The following CFAP97D2 variants were observed in gnomAD, a reference collection of about 807,000 sequenced individuals.
The protein encoded by CFAP97D2 is uncharacterized protein CFAP97D2.
rs964398064 is a variant in CFAP97D2 at position 114,207,390 on chromosome 13, C to G, written c.291-4522C>G. Among the ~76,000 whole-genome samples the G allele has an allele frequency of 3.3e-5, 5 of 152,194 alleles. No individual in the cohort carries two copies. Among genetic ancestry groups the G allele is most frequent in the Admixed American group, 2.0e-4 (3 of 15,302 alleles). On this transcript the variant is annotated intron_variant, in intron 3 of 4. Transcript: ENST00000646158. The surrounding 1 kb of genome is among the most constrained non-coding windows in gnomAD (Gnocchi z 4.9). ...TATACAACTCAACATCATGTAGAAT[C>G]AGTGGGAGCCCTGAGTTTGTTTTCC...
chr13:114,212,806 C>A (rs1175109609), intron 4 of CFAP97D2, among the ~76,000 whole-genome samples: 1 of 152,068 alleles, frequency 6.6e-6, no homozygotes, highest in Non-Finnish European at 1.5e-5. Flanking sequence ...GAGCCGAGAT[C>A]TTGCCACTGC....
chr13:114,180,268 A>G (rs75737245), intron 1 of CFAP97D2, among the ~76,000 whole-genome samples: 1,767 of 152,214 alleles, frequency 0.012, 97 homozygotes, highest in Admixed American at 0.082. Flanking sequence ...TTAAGTGACT[A>G]CCCCAAGGAG....
At chr13:114,184,561 G>A (rs2138749630) in intron 1 of CFAP97D2, among the ~76,000 whole-genome samples, 1 of 152,308 alleles carries the variant, frequency 6.6e-6, no homozygotes, top group East Asian at 1.9e-4. Flanking sequence ...CGGTAACCAG[G>A]AAAAAGTGTA....
At chr13:114,194,766 C>T (rs933910330) in intron 1 of CFAP97D2, among the ~76,000 whole-genome samples, 7 of 152,188 alleles carry the variant, frequency 4.6e-5, no homozygotes, top group African/African-American at 1.4e-4. Flanking sequence ...CAAGAAGCAA[C>T]ATCAGATAAC....
At chr13:114,215,661 C>G (rs1215292588) in intron 4 of CFAP97D2, 1 of 152,190 alleles carries the variant, frequency 6.6e-6, no homozygotes, top group African/African-American at 2.4e-5. Context: ...TTTACAATGT[C>G]AAAAACTCTA....
At chr13:114,210,608 T>C (rs369749264) in intron 3 of CFAP97D2, among the ~76,000 whole-genome samples, 79 of 152,148 alleles carry the variant, frequency 5.2e-4, no homozygotes, top group African/African-American at 1.7e-3. Flanking sequence ...TCCCTGCCTG[T>C]CTGTCCTCCA....
At chr13:114,190,812 A>G (rs1427338286) in intron 1 of CFAP97D2, among the ~76,000 whole-genome samples, 1 of 152,366 alleles carries the variant, frequency 6.6e-6, no homozygotes, top group East Asian at 1.9e-4. Context: ...AAGGCCCAGA[A>G]AAGCCAATTT....
chr13:114,215,325 A>G (rs945774477), intron 4 of CFAP97D2, among the ~76,000 whole-genome samples: 2 of 152,124 alleles, frequency 1.3e-5, no homozygotes, highest in Non-Finnish European at 2.9e-5. Context: ...TATGTTATCA[A>G]TATTTACCTT....
intron 3 of CFAP97D2, among the ~76,000 whole-genome samples, chr13:114,210,855 T>TACACACACACACACACAC (rs34230424): frequency 4.1e-5 from 6 of 144,878 alleles, no homozygotes; most frequent in East Asian, 2.1e-4. Context: ...ATTTCATTGA[T>TACACACACACACACACAC]ACACACACAC....
In CFAP97D2 at chr13:114,187,245, A is replaced by G. The variant is rs2080855547; in HGVS notation, c.90+7825A>G. ...TATAAAATGCTCAATTAAAACCACA[A>G]AAGGCAGAAAAGACAAAAATAACAA... On this transcript the variant is annotated intron_variant, in intron 1 of 4. Transcript: ENST00000646158. This position sits in a 1 kb window ranked among gnomAD's most constrained non-coding sequence, Gnocchi z 4.2. 6.6e-6 allele frequency among the ~76,000 whole-genome samples: 1 copy of G among 152,200 alleles called. No individual in the cohort carries two copies. Among genetic ancestry groups the G allele is most frequent in the African/African-American group, 2.4e-5 (1 of 41,448 alleles).
At chr13:114,191,458 A>G (rs1294901665) in intron 1 of CFAP97D2, among the ~76,000 whole-genome samples, 2 of 152,256 alleles carry the variant, frequency 1.3e-5, no homozygotes, top group Admixed American at 6.5e-5. Context: ...AAATTAGGCC[A>G]AAGACCTTAG....
chr13:114,216,755 G>T (rs2080995414), intron 4 of CFAP97D2, among the ~76,000 whole-genome samples: 2 of 152,196 alleles, frequency 1.3e-5, no homozygotes, highest in Non-Finnish European at 2.9e-5. Flanking sequence ...AAACATACGT[G>T]TGCATGTGTC....
chr13:114,181,852 T>C lies in CFAP97D2; in HGVS notation c.90+2432T>C, dbSNP rs991092278. 2.0e-5 allele frequency among the ~76,000 whole-genome samples: 3 copies of C among 151,322 alleles called. No homozygotes were observed. In the East Asian group the frequency reaches 5.9e-4, roughly 30 times the overall value. On this transcript the variant is annotated intron_variant, in intron 1 of 4. Transcript: ENST00000646158. Reference sequence around the variant, plus strand: ...CCAGCCTTCCCCCTCAGAGCCTGAGTGGCCCCTGCCCCCAGCGCTCCCCAA... The same window carrying C: ...CCAGCCTTCCCCCTCAGAGCCTGAGCGGCCCCTGCCCCCAGCGCTCCCCAA...
chr13:114,212,111 C>G (rs1358551035), intron 4 of CFAP97D2: 2 of 398,466 alleles, frequency 5.0e-6, no homozygotes, highest in Non-Finnish European at 8.8e-6. Context: ...GGTACCCGCA[C>G]CTTCTTTTTC....
At chr13:114,182,457 C>G (rs960543559) in intron 1 of CFAP97D2, among the ~76,000 whole-genome samples, 2 of 151,806 alleles carry the variant, frequency 1.3e-5, no homozygotes, top group African/African-American at 4.8e-5. Flanking sequence ...AGGCCTTCCT[C>G]TTTTACTAAT....
In CFAP97D2 at chr13:114,189,894, CA is replaced by C. The variant is rs2080863289; in HGVS notation, c.91-6501del. On this transcript the variant is annotated intron_variant, in intron 1 of 4. Transcript: ENST00000646158. The surrounding 1 kb of genome is among the most constrained non-coding windows in gnomAD (Gnocchi z 4.5). ...ATGGTGGCTCGCCCTGTAATCAGAA[CA>C]CTTTGGGTGGCTGAAGAGGGAGGAT... 6.6e-6 allele frequency among the ~76,000 whole-genome samples: 1 copy of C among 152,092 alleles called. No individual in the cohort carries two copies. Among genetic ancestry groups the C allele is most frequent in the African/African-American group, 2.4e-5 (1 of 41,412 alleles).
downstream of CFAP97D2, chr13:114,222,881 A>C (rs538939802): frequency 4.5e-6 from 1 of 223,870 alleles, no homozygotes; most frequent in East Asian, 9.2e-5. The surrounding 1 kb of genome is among the most constrained non-coding windows in gnomAD (Gnocchi z 4.4). Flanking sequence ...GAAACAAACT[A>C]TGCAGAGTCA....
rs552470749 is a variant in CFAP97D2 at position 114,185,839 on chromosome 13, G to A, written c.90+6419G>A. On this transcript the variant is annotated intron_variant, in intron 1 of 4. Coordinates refer to ENST00000646158, the Ensembl canonical transcript of CFAP97D2. This position sits in a 1 kb window ranked among gnomAD's most constrained non-coding sequence, Gnocchi z 5.2. The stretch of plus-strand genomic sequence containing the variant: ...GAGGACAGCACAGTGCTGGCTGCGT[G>A]CCTCTTGGCATGAACAGCCTGCGTG... Among the ~76,000 whole-genome samples, 1 of 152,358 alleles carries A rather than the reference G, an allele frequency of 6.6e-6. No homozygotes were observed. The highest frequency in any genetic ancestry group is 6.5e-5 in the Admixed American group (1 of 15,310).
chr13:114,209,347 G>A (rs1055538216), intron 3 of CFAP97D2, among the ~76,000 whole-genome samples: 1 of 152,172 alleles, frequency 6.6e-6, no homozygotes, highest in Non-Finnish European at 1.5e-5. Flanking sequence ...AACACGAGTA[G>A]GTGGTCTCAT....
Sources: gnomAD v4.1 joint callset for allele counts (sites outside exome capture counted in the v4.1 genomes callset) on GRCh38, gnomAD v4.1.1 for gene constraint, Gnocchi (gnomAD v3.1) non-coding constraint, MANE v1.5 for transcripts, NCBI Gene and HGNC (gene_info 2026-07-23, HGNC 2026-07-21) for gene names.